ATXN2: variants seen among roughly 807,000 people sequenced by gnomAD.
ATXN2 encodes ataxin-2.
ATXN2 carries 37 observed loss-of-function variants against 138.6 expected under a neutral mutation model. That is an observed-to-expected ratio of 0.27 (90% confidence interval 0.21 to 0.35). The LOEUF (loss-of-function observed/expected upper bound fraction) is 0.35. Ranked by LOEUF, ATXN2 falls within the 10% of genes least tolerant of loss-of-function variation. The pLI is 1.00. For synonymous variants in ATXN2, 549 were observed against 543.7 expected, an observed-to-expected ratio of 1.01 and a Z score of -0.13; for missense variants, 1,216 against 1,480.3, an observed-to-expected ratio of 0.82 and a Z score of 2.93.
intron 5 of ATXN2, among the ~76,000 whole-genome samples, chr12:111,527,350 C>G (rs1248480074): frequency 1.3e-5 from 2 of 152,204 alleles, no homozygotes; most frequent in African/African-American, 2.4e-5. Context: ...GAATCAACAA[C>G]TAAACACACA....
intron 21 of ATXN2, among the ~76,000 whole-genome samples, chr12:111,463,131 C>G (rs189425473): frequency 6.6e-6 from 1 of 152,162 alleles, no homozygotes; most frequent in East Asian, 1.9e-4. Context: ...TGAGTCACCC[C>G]AAAATAACTC....
rs984353487 is a variant in ATXN2 at position 111,455,055 on chromosome 12, T to G, written c.3270+974A>C. ...TGGAACTCTACTTACAAGGTAGCCTTCTGAGAGATAGATCCAACTGAGTCG... is the reference window on the plus strand; with the variant it reads ...TGGAACTCTACTTACAAGGTAGCCTGCTGAGAGATAGATCCAACTGAGTCG... On this transcript the variant is annotated intron_variant, in intron 23 of 24. Transcript: ENST00000673436. The G allele has an allele frequency of 4.1e-5, 29 of 702,870 alleles. No homozygotes were observed. The African/African-American group carries it at 4.7e-4, about 11-fold the overall frequency. The allele number at this position is 702,870 out of a possible 1,614,324, so 43.5% of individuals were successfully genotyped here.
chr12:111,558,663 G>A (rs994300853), intron 1 of ATXN2, among the ~76,000 whole-genome samples: 3 of 152,128 alleles, frequency 2.0e-5, no homozygotes, highest in African/African-American at 7.2e-5. Context: ...CAGGCATGGT[G>A]GCACACGCCT....
intron 21 of ATXN2, among the ~76,000 whole-genome samples, chr12:111,461,704 G>A (rs984275579): frequency 2.6e-5 from 4 of 151,716 alleles, no homozygotes; most frequent in African/African-American, 9.7e-5. Context: ...AGGTGATCAC[G>A]AGGTCAGGAG....
intron 18 of ATXN2, among the ~76,000 whole-genome samples, chr12:111,480,483 T>C (rs1390679602): frequency 6.6e-6 from 1 of 152,178 alleles, no homozygotes; most frequent in Non-Finnish European, 1.5e-5. Flanking sequence ...GAGACCAGCC[T>C]GACCAACACG....
rs187266056 is a variant in ATXN2 at position 111,540,238 on chromosome 12, A to G, written c.571+12042T>C. Among the ~76,000 whole-genome samples, 24 of 150,658 alleles carry G rather than the reference A, an allele frequency of 1.6e-4. 1 individual carries two copies. Among genetic ancestry groups the G allele is most frequent in the Admixed American group, 3.3e-4 (5 of 15,070 alleles). On this transcript the variant is annotated intron_variant, in intron 5 of 24. Coordinates refer to ENST00000673436, the MANE Select transcript of ATXN2 (RefSeq NM_001372574.1). ...CATAAGACTCCATTGAAACCATCCA[A>G]GACAAGAGAAAAAAATAATACTAAA...
intron 5 of ATXN2, among the ~76,000 whole-genome samples, chr12:111,527,698 G>C (rs1880574666): frequency 6.6e-6 from 1 of 152,162 alleles, no homozygotes; most frequent in Non-Finnish European, 1.5e-5. Context: ...GGACTCAGCT[G>C]GGGGTGGAAT....
At chr12:111,590,977 C>T (rs1301228344) in intron 1 of ATXN2, among the ~76,000 whole-genome samples, 1 of 152,018 alleles carries the variant, frequency 6.6e-6, no homozygotes, top group Non-Finnish European at 1.5e-5. Flanking sequence ...CAAGCTCTGC[C>T]TCCCGGGTTT....
chr12:111,586,269 TGG>T (rs1884325715), intron 1 of ATXN2, among the ~76,000 whole-genome samples: 1 of 150,034 alleles, frequency 6.7e-6, no homozygotes, highest in African/African-American at 2.4e-5. Context: ...TGGCCCAGGC[TGG>T]GGCACAGTGG....
Position 111,511,155 on chromosome 12 carries a change from A to C in ATXN2, c.1559-573T>G, listed in dbSNP as rs1424778612. 2.0e-5 allele frequency: 3 copies of C among 152,264 alleles called. No individual in the cohort carries two copies. In the East Asian group the frequency reaches 5.8e-4, roughly 29 times the overall value. 9.4% of individuals were successfully genotyped at this position (152,264 alleles called of 1,614,324 possible). On this transcript the variant is annotated intron_variant, in intron 11 of 24. Coordinates refer to ENST00000673436, the MANE Select transcript of ATXN2 (RefSeq NM_001372574.1). ...TATCCCATATGACTTCCAAGTATAT[A>C]TCTAATAGGTTTCATATACCATTAT... is the stretch of plus-strand genomic sequence containing the variant.
intron 5 of ATXN2, among the ~76,000 whole-genome samples, chr12:111,528,314 C>A (rs1252788604): frequency 2.0e-5 from 3 of 151,988 alleles, no homozygotes; most frequent in Admixed American, 2.0e-4. Flanking sequence ...TGAGTCAAGC[C>A]GTCTTCAAAC....
chr12:111,559,130 T>A (rs563046032), intron 1 of ATXN2, among the ~76,000 whole-genome samples: 64 of 149,840 alleles, frequency 4.3e-4, no homozygotes, highest in Non-Finnish European at 5.8e-4. Context: ...AAAATGACAG[T>A]TTTTTGTTTT....
At position 111,513,437 on chromosome 12, in the gene ATXN2, T is replaced by A. The variant is rs200419364; in HGVS notation, c.1478A>T (p.Asn493Ile). 1 of 1,613,958 alleles carries A rather than the reference T, an allele frequency of 6.2e-7. No homozygotes were observed. ...AGGAGTAGCTGCTTCACTGGGTGGG[T>A]TGTGGGATACAAATTCTAGGCCACT... ...ISSGLEFVSHNPPSEAATPPV... is the reference protein window; with the variant it reads ...ISSGLEFVSHIPPSEAATPPV... The change falls in exon 11 of 25, where the codon AAC (asparagine) becomes ATC (isoleucine). Residue 493 changes from asparagine (N) to isoleucine (I), a missense_variant. Asn to Ile is a moderately radical substitution (Grantham distance 149). Coordinates refer to ENST00000673436, the MANE Select transcript of ATXN2 (RefSeq NM_001372574.1).
At chr12:111,526,549 C>T (rs1426688717) in intron 5 of ATXN2, among the ~76,000 whole-genome samples, 1 of 151,710 alleles carries the variant, frequency 6.6e-6, no homozygotes, top group Non-Finnish European at 1.5e-5. Context: ...AGATTACAGG[C>T]GCCCACCAAC....
chr12:111,599,615 G>GC, upstream of ATXN2: 1 of 1,078,166 alleles, frequency 9.3e-7, no homozygotes, highest in Middle Eastern at 4.2e-4. Context: ...ACGTGAGGTG[G>GC]CCCCGGGGCC....
At chr12:111,531,678 A>G (rs1880845926) in intron 5 of ATXN2, among the ~76,000 whole-genome samples, 1 of 152,234 alleles carries the variant, frequency 6.6e-6, no homozygotes, top group African/African-American at 2.4e-5. Flanking sequence ...AACACAGTTA[A>G]GGGTGCAGGA....
chr12:111,596,389 A>ACG (rs59022491), intron 1 of ATXN2, among the ~76,000 whole-genome samples: 2 of 151,910 alleles, frequency 1.3e-5, no homozygotes, highest in Non-Finnish European at 2.9e-5. Flanking sequence ...ACACACACAC[A>ACG]AAGTCAAATT....
intron 1 of ATXN2, among the ~76,000 whole-genome samples, chr12:111,570,563 C>T (rs986891454): frequency 6.6e-6 from 1 of 152,144 alleles, no homozygotes; most frequent in Admixed American, 6.6e-5. Flanking sequence ...TCTACATACA[C>T]CATGTGTATA....
intron 1 of ATXN2, among the ~76,000 whole-genome samples, chr12:111,590,593 G>A (rs1884604406): frequency 6.6e-6 from 1 of 151,872 alleles, no homozygotes; most frequent in African/African-American, 2.4e-5. Flanking sequence ...GCTAAGGCAG[G>A]AGAATCGCTT....
Sources: allele counts gnomAD v4.1 joint callset (sites outside exome capture counted in the v4.1 genomes callset), GRCh38; gene constraint gnomAD v4.1.1; transcripts MANE v1.5; gene names NCBI Gene and HGNC (gene_info 2026-07-23, HGNC 2026-07-21).